Variants in FGD4 observed in about 807,000 individuals in gnomAD.
FGD4 encodes FYVE, RhoGEF and PH domain containing 4.
Under a neutral mutation model 102.0 loss-of-function variants are expected in FGD4, and 42 were observed. The ratio of observed to expected loss-of-function variants is 0.41; its 90% CI spans 0.32 to 0.53. The LOEUF is 0.53. Among genes scored for constraint, FGD4 ranks in the 20% least tolerant of loss-of-function variants. FGD4 has a pLI of 0.21. For synonymous variants in FGD4, 380 were observed against 375.7 expected, an observed-to-expected ratio of 1.01 and a Z score of -0.13; for missense variants, 902 against 1,078.2, an observed-to-expected ratio of 0.84 and a Z score of 2.29.
chr12:32,488,779 A>G (rs1051325281), intron 1 of FGD4, among the ~76,000 whole-genome samples: 1 of 152,138 alleles, frequency 6.6e-6, no homozygotes, highest in Non-Finnish European at 1.5e-5. Context: ...TCTCTACTAA[A>G]AATACAAAAA....
At chr12:32,484,478 C>A (rs1469443581) in intron 1 of FGD4, among the ~76,000 whole-genome samples, 1 of 152,180 alleles carries the variant, frequency 6.6e-6, no homozygotes, top group Admixed American at 6.5e-5. Flanking sequence ...ATCTGACTAT[C>A]ACATGAAAAG....
rs990832364 is a variant in FGD4 at position 32,611,930 on chromosome 12, C to T, written c.1749+647C>T. 3.3e-5 allele frequency among the ~76,000 whole-genome samples: 5 copies of T among 152,216 alleles called. No homozygotes were observed. The East Asian group carries it at 9.7e-4, about 29-fold the overall frequency. On this transcript the variant is annotated intron_variant, in intron 10 of 16. Coordinates refer to ENST00000534526, the MANE Select transcript of FGD4 (RefSeq NM_001370298.3). ...GAAGCCCCCTGTACCCCTGCAGGCT[C>T]AGAAATGCCTGCTCCCACTGCCTGG...
chr12:32,399,743 C>T lies in FGD4; in HGVS notation c.-51C>T, dbSNP rs556315019. The T allele has an allele frequency of 2.0e-6, 3 of 1,518,434 alleles. No individual in the cohort carries two copies. Among genetic ancestry groups the T allele is most frequent in the East Asian group, 5.2e-5 (2 of 38,786 alleles). The allele number at this position is 1,518,434 out of a possible 1,614,324, so 94.1% of individuals were successfully genotyped here. On this transcript the variant is annotated 5_prime_UTR_variant, in exon 1 of 17. Transcript: ENST00000534526. The stretch of plus-strand genomic sequence containing the variant: ...GGCGACGCCCCCCAGGGGCCGCTCG[C>T]GGCTGGACGGGAGCGGGAGGAGTCG...
chr12:32,624,829 G>GAT, intron 12 of FGD4, 147 bp from the exon 13 acceptor site: 1 of 722,978 alleles, frequency 1.4e-6, no homozygotes, highest in Non-Finnish European at 2.4e-6. Context: ...TGCATATATT[G>GAT]TTGTGTGTGT....
chr12:32,461,243 A>C (rs1167170134), intron 1 of FGD4, among the ~76,000 whole-genome samples: 1 of 152,236 alleles, frequency 6.6e-6, no homozygotes, highest in African/African-American at 2.4e-5. Context: ...TAACTATTTA[A>C]GCAATTAAAA....
chr12:32,588,102 AG>A (rs1162677671), intron 4 of FGD4, among the ~76,000 whole-genome samples: 1 of 152,202 alleles, frequency 6.6e-6, no homozygotes, highest in Non-Finnish European at 1.5e-5. Flanking sequence ...GGAATGGGGT[AG>A]GGGTGCAGGC....
rs1241938171 is a variant in FGD4 at position 32,438,128 on chromosome 12, G to C, written c.166+38169G>C. On this transcript the variant is annotated intron_variant, in intron 1 of 16. Transcript: ENST00000534526. ...TCTGGTCTCAAACTCTTGACTTCAAGTGATCCATCTGCCTGGGCCTCCCAA... is the reference window on the plus strand; with the variant it reads ...TCTGGTCTCAAACTCTTGACTTCAACTGATCCATCTGCCTGGGCCTCCCAA... 3.3e-5 allele frequency among the ~76,000 whole-genome samples: 5 copies of C among 152,220 alleles called. No individual in the cohort carries two copies. The East Asian group carries it at 9.6e-4, about 29-fold the overall frequency.
At chr12:32,563,119 G>C (rs1002862211) in intron 1 of FGD4, among the ~76,000 whole-genome samples, 3 of 151,098 alleles carry the variant, frequency 2.0e-5, no homozygotes, top group Non-Finnish European at 4.4e-5. Context: ...CCTCCCGGAC[G>C]GGACGGCTGG....
intron 1 of FGD4, among the ~76,000 whole-genome samples, chr12:32,453,564 A>G (rs1942870127): frequency 6.6e-6 from 1 of 152,018 alleles, no homozygotes; most frequent in Non-Finnish European, 1.5e-5. Context: ...TTAGTCCTGG[A>G]TAAGAACTCC....
intron 1 of FGD4, among the ~76,000 whole-genome samples, chr12:32,446,158 A>G (rs948214416): frequency 1.3e-5 from 2 of 152,226 alleles, no homozygotes; most frequent in African/African-American, 4.8e-5. Flanking sequence ...TTGTCTCAAA[A>G]AATAAAAATA....
intron 2 of FGD4, among the ~76,000 whole-genome samples, chr12:32,567,702 T>TG (rs1945306131): frequency 1.3e-5 from 2 of 151,422 alleles, no homozygotes; most frequent in African/African-American, 4.9e-5. Context: ...TTTTTTTTTT[T>TG]TGAGAGAGAG....
intron 5 of FGD4, among the ~76,000 whole-genome samples, chr12:32,599,143 A>G (rs1948141805): frequency 6.6e-6 from 1 of 152,234 alleles, no homozygotes; most frequent in Non-Finnish European, 1.5e-5. Flanking sequence ...TACTTGCATC[A>G]TGAAACCTTG....
chr12:32,538,340 T>C (rs2136110657), intron 1 of FGD4, among the ~76,000 whole-genome samples: 1 of 152,370 alleles, frequency 6.6e-6, no homozygotes, highest in East Asian at 1.9e-4. Flanking sequence ...ACATTTCTAA[T>C]ATTCAGTGCC....
chr12:32,639,166 G>A (rs934059419), intron 16 of FGD4, among the ~76,000 whole-genome samples: 1 of 152,042 alleles, frequency 6.6e-6, no homozygotes, highest in Non-Finnish European at 1.5e-5. Context: ...TGTTTGTTGT[G>A]TTGTTGTTTT....
At chr12:32,534,542 A>T in intron 1 of FGD4, 1 of 1,322,348 alleles carries the variant, frequency 7.6e-7, no homozygotes, top group South Asian at 1.5e-5. Context: ...TTTCTTCCCC[A>T]GCGTGGGTCA....
At chr12:32,621,889 CTTT>C (rs11362941) in intron 11 of FGD4, among the ~76,000 whole-genome samples, 11 of 144,376 alleles carry the variant, frequency 7.6e-5, no homozygotes, top group Non-Finnish European at 7.6e-5. Context: ...ACAGGGAACA[CTTT>C]TTTTTTTTTT....
At chr12:32,534,237 T>C in intron 1 of FGD4, 1 of 1,197,210 alleles carries the variant, frequency 8.4e-7, no homozygotes, top group Non-Finnish European at 1.1e-6. Flanking sequence ...TGCAATGTAC[T>C]GCAGCAGTCC....
intron 3 of FGD4, among the ~76,000 whole-genome samples, chr12:32,577,647 A>G (rs1946236679): frequency 6.6e-6 from 1 of 152,232 alleles, no homozygotes; most frequent in Admixed American, 6.5e-5. Flanking sequence ...TTGGTCATAA[A>G]TATTTCAACT....
chr12:32,524,990 A>G (rs1291931119), intron 1 of FGD4, among the ~76,000 whole-genome samples: 1 of 152,232 alleles, frequency 6.6e-6, no homozygotes, highest in Non-Finnish European at 1.5e-5. Flanking sequence ...GTGTTTATGT[A>G]TATGTCTCTA....
Sources: gnomAD v4.1 joint callset for allele counts (sites outside exome capture counted in the v4.1 genomes callset) on GRCh38, gnomAD v4.1.1 for gene constraint, MANE v1.5 for transcripts, NCBI Gene and HGNC (gene_info 2026-07-23, HGNC 2026-07-21) for gene names.